Variants in MAP4 observed in about 807,000 individuals in gnomAD.
The protein encoded by MAP4 is microtubule-associated protein 4.
Under a neutral mutation model 170.2 loss-of-function variants are expected in MAP4, and 76 were observed. The observed-to-expected ratio is 0.45, with a 90% CI of 0.37 to 0.54. MAP4 has a LOEUF of 0.54. Among genes scored for constraint, MAP4 ranks in the 20% least tolerant of loss-of-function variants. The pLI, the probability that MAP4 is intolerant of heterozygous loss-of-function variation, is 0.00. For missense variants in MAP4, 2,506 were observed against 2,748.0 expected, an observed-to-expected ratio of 0.91 and a Z score of 1.97; for synonymous variants, 909 against 994.5, an observed-to-expected ratio of 0.91 and a Z score of 1.62.
chr3:48,061,838 T>TG (rs2100135664), intron 1 of MAP4, among the ~76,000 whole-genome samples: 2 of 119,108 alleles, frequency 1.7e-5, no homozygotes, highest in African/African-American at 6.9e-5. Flanking sequence ...GGGAGGGAGG[T>TG]GGGGGGCAGC....
In MAP4 at chr3:47,916,096, T is replaced by C. The variant is rs2100038743; in HGVS notation, c.1731A>G (p.Pro577=). The C allele has an allele frequency of 3.1e-6, 5 of 1,614,100 alleles. No individual in the cohort carries two copies. Among genetic ancestry groups the C allele is most frequent in the African/African-American group, 1.3e-5 (1 of 74,940 alleles). ...GTGTTGCCTCTGTTTCTGAGAGTGG[T>C]GGAACATCTTTGGCTGGAGTCACAT... ...ANNVTPAKDV[P]PLSETEATPV... Residue 577 remains proline, a synonymous_variant, in exon 7 of 21, where the codon CCA becomes CCG. Coordinates refer to ENST00000683076, the MANE Select transcript of MAP4 (RefSeq NM_001385682.1).
chr3:48,003,878 A>G (rs1457734301), intron 1 of MAP4, among the ~76,000 whole-genome samples: 4 of 152,110 alleles, frequency 2.6e-5, no homozygotes, highest in Non-Finnish European at 5.9e-5. Context: ...GCAGAAAAAT[A>G]TGAAGAGGCA....
At chr3:48,037,692 G>A (rs1012935945) in intron 1 of MAP4, among the ~76,000 whole-genome samples, 1 of 151,810 alleles carries the variant, frequency 6.6e-6, no homozygotes, top group African/African-American at 2.4e-5. Context: ...ACAGCACCCA[G>A]CTTCAATATT....
chr3:48,051,092 C>CCCCA (rs2100127561), intron 1 of MAP4, among the ~76,000 whole-genome samples: 1 of 143,914 alleles, frequency 6.9e-6, no homozygotes, highest in South Asian at 2.2e-4. Context: ...CATTCAATTT[C>CCCCA]CACACACACA....
In MAP4 at chr3:48,004,266, A is replaced by C. The variant is rs115156057; in HGVS notation, c.-19-5387T>G. 4.0e-3 allele frequency among the ~76,000 whole-genome samples: 611 copies of C among 152,258 alleles called. 6 individuals are homozygous for C. The highest frequency in any genetic ancestry group is 0.014 in the African/African-American group (592 of 41,534). ...CAAAAATGCTGAGGACTCTACTTCTAATAGCATGGAGAACATTCATAGTCC... is the reference window on the plus strand; with the variant it reads ...CAAAAATGCTGAGGACTCTACTTCTCATAGCATGGAGAACATTCATAGTCC... On this transcript the variant is annotated intron_variant, in intron 1 of 20. Transcript: ENST00000683076.
intron 3 of MAP4, among the ~76,000 whole-genome samples, chr3:47,936,325 C>T (rs1181612453): frequency 1.3e-5 from 2 of 151,736 alleles, no homozygotes; most frequent in Non-Finnish European, 2.9e-5. Context: ...ATCCCAGCTA[C>T]TCGGGAGGCT....
intron 1 of MAP4, among the ~76,000 whole-genome samples, chr3:48,015,020 C>A (rs897093488): frequency 2.6e-5 from 4 of 151,852 alleles, no homozygotes; most frequent in Non-Finnish European, 4.4e-5. Flanking sequence ...TATACAGGCC[C>A]AGGAGCCCTA....
chr3:47,935,939 CAA>C (rs74405606), intron 3 of MAP4, among the ~76,000 whole-genome samples: 17 of 59,268 alleles, frequency 2.9e-4, no homozygotes, highest in Non-Finnish European at 3.6e-4. Context: ...ACTTAGTCTC[CAA>C]AAAAAAAAAA....
intron 4 of MAP4, among the ~76,000 whole-genome samples, chr3:47,922,101 C>A (rs2100043243): frequency 6.6e-6 from 1 of 152,066 alleles, no homozygotes; most frequent in Non-Finnish European, 1.5e-5. Context: ...ATGCCCGCCA[C>A]CATGCCTGGC....
rs2100141939 is a variant in MAP4, at chr3:48,073,289, AC to A, written c.-20+15483del. ...CACACACACACACACACACACACAC[AC>A]ACACACACACACACAAATTAGCATT... On this transcript the variant is annotated intron_variant, in intron 1 of 18. Coordinates refer to the MAP4 transcript ENST00000360240. Among the ~76,000 whole-genome samples, 4 of 150,410 alleles carry A rather than the reference AC, an allele frequency of 2.7e-5. No homozygotes were observed. In the South Asian group the frequency reaches 6.3e-4, roughly 24 times the overall value.
At chr3:48,004,892 T>G (rs981968934) in intron 1 of MAP4, among the ~76,000 whole-genome samples, 5 of 152,060 alleles carry the variant, frequency 3.3e-5, no homozygotes, top group African/African-American at 1.2e-4. Context: ...AACCCTGAGC[T>G]GCCTGAGGCA....
chr3:47,985,004 G>A (rs978339628), intron 2 of MAP4, among the ~76,000 whole-genome samples: 7 of 151,800 alleles, frequency 4.6e-5, no homozygotes, highest in Admixed American at 2.6e-4. Context: ...AAATTAGGCT[G>A]GGGGGTGGCT....
chr3:47,909,621 A>G lies in MAP4; in HGVS notation c.4800T>C (p.Gly1600=). The G allele has an allele frequency of 6.2e-7, 1 of 1,613,656 alleles. No individual in the cohort carries two copies. Residue 1600 remains glycine (G), a synonymous_variant, in exon 9 of 21, where the codon GGT becomes GGC. Transcript: ENST00000683076. ...CATTCACTGGATGTGCTGGGAAATTACCTCTATCTGCATATCCTTCTAGGG... is the reference window on the plus strand; with the variant it reads ...CATTCACTGGATGTGCTGGGAAATTGCCTCTATCTGCATATCCTTCTAGGG... ...ARALEGYADR[G]NFPAHPVNEE...
chr3:48,073,002 T>C lies in MAP4; in HGVS notation c.-20+15771A>G, dbSNP rs1009317203. On this transcript the variant is annotated intron_variant, in intron 1 of 18. Coordinates refer to the MAP4 transcript ENST00000360240. ...TCCCAGCACTTTGGGAGGCTGAAGC[T>C]GGTGGATCACTTGAGGTCAGGAGTT... Among the ~76,000 whole-genome samples, 10 of 151,022 alleles carry C rather than the reference T, an allele frequency of 6.6e-5. No homozygotes were observed. The South Asian group carries it at 2.1e-3, about 32-fold the overall frequency.
rs778566426 is a variant in MAP4 at position 47,943,533 on chromosome 3, C to T, written c.293-15183G>A. 5.3e-5 allele frequency among the ~76,000 whole-genome samples: 8 copies of T among 152,000 alleles called. No homozygotes were observed. The East Asian group carries it at 9.7e-4, about 18-fold the overall frequency. ...CTGAGGCAGAAGAATTGCTTGAACT[C>T]GGGAGGCAGAGGGTGCAGTGAGCCC... On this transcript the variant is annotated intron_variant, in intron 3 of 20. Transcript: ENST00000683076.
Position 47,908,587 on chromosome 3 carries a change from C to A in MAP4, c.5383+451G>T, listed in dbSNP as rs546901595. 5.7e-4 allele frequency among the ~76,000 whole-genome samples: 86 copies of A among 152,170 alleles called. 1 individual carries two copies. Among genetic ancestry groups the A allele is most frequent in the African/African-American group, 2.0e-3 (83 of 41,508 alleles). On this transcript the variant is annotated intron_variant, in intron 9 of 20. Coordinates refer to ENST00000683076, the MANE Select transcript of MAP4 (RefSeq NM_001385682.1). ...AAGCAGTTTGGATATTTAGTCCCACCAGCACAAGCTACATATAAATTGAAA... is the reference window on the plus strand; with the variant it reads ...AAGCAGTTTGGATATTTAGTCCCACAAGCACAAGCTACATATAAATTGAAA...
At chr3:47,872,711 C>A (rs2093816717) in intron 12 of MAP4, among the ~76,000 whole-genome samples, 1 of 152,144 alleles carries the variant, frequency 6.6e-6, no homozygotes, top group Non-Finnish European at 1.5e-5. Flanking sequence ...ATCACCACAA[C>A]CTACGTTTGC....
intron 1 of MAP4, among the ~76,000 whole-genome samples, chr3:48,054,808 C>CAA (rs1044719447): frequency 7.8e-6 from 1 of 128,426 alleles, no homozygotes; most frequent in South Asian, 2.5e-4. Context: ...ACTCTGTCTC[C>CAA]AAAAAAAAAA....
chr3:47,936,252 G>A (rs1001044713), intron 3 of MAP4, among the ~76,000 whole-genome samples: 19 of 151,850 alleles, frequency 1.3e-4, no homozygotes, highest in Admixed American at 2.0e-4. Flanking sequence ...CGACCAACGT[G>A]GTGAAAACCC....
Sources: gnomAD v4.1 joint callset for allele counts (sites outside exome capture counted in the v4.1 genomes callset) on GRCh38, gnomAD v4.1.1 for gene constraint, MANE v1.5 for transcripts, NCBI Gene and HGNC (gene_info 2026-07-23, HGNC 2026-07-21) for gene names.